Variants in SPOCK3 observed in about 807,000 individuals in gnomAD.
SPOCK3 encodes testican-3.
SPOCK3 carries 30 observed loss-of-function variants against 56.6 expected under a neutral mutation model. That is an observed-to-expected ratio of 0.53 (90% CI 0.40 to 0.72). The LOEUF (loss-of-function observed/expected upper bound fraction) is 0.72. Ranked by LOEUF, SPOCK3 falls within the 30% of genes least tolerant of loss-of-function variation. SPOCK3 has a pLI of 0.00. For synonymous variants in SPOCK3, 196 were observed against 183.3 expected, an observed-to-expected ratio of 1.07 and a Z score of -0.56; for missense variants, 527 against 530.0, an observed-to-expected ratio of 0.99 and a Z score of 0.06.
At chr4:167,052,986 T>C (rs1580132768) in intron 3 of SPOCK3, among the ~76,000 whole-genome samples, 1 of 152,140 alleles carries the variant, frequency 6.6e-6, no homozygotes, top group East Asian at 1.9e-4. Context: ...CTCTGTTCAC[T>C]GAAGGGAATA....
chr4:166,967,565 G>T (rs1163701630), intron 4 of SPOCK3, among the ~76,000 whole-genome samples: 1 of 152,082 alleles, frequency 6.6e-6, no homozygotes, highest in African/African-American at 2.4e-5. Context: ...AGACATGCTT[G>T]CCTCCCCTTC....
At chr4:166,773,893 C>T (rs1739233555) in intron 7 of SPOCK3, among the ~76,000 whole-genome samples, 1 of 152,122 alleles carries the variant, frequency 6.6e-6, no homozygotes, top group Admixed American at 6.6e-5. Flanking sequence ...AGGATATAAT[C>T]TAAAACCACT....
intron 4 of SPOCK3, among the ~76,000 whole-genome samples, chr4:166,996,489 T>G (rs1285962488): frequency 6.6e-6 from 1 of 152,170 alleles, no homozygotes. Flanking sequence ...ATATAACAAG[T>G]GGATCACATT....
chr4:167,014,756 T>G (rs1750440863), intron 3 of SPOCK3, among the ~76,000 whole-genome samples: 1 of 151,750 alleles, frequency 6.6e-6, no homozygotes, highest in Non-Finnish European at 1.5e-5. Flanking sequence ...CACACATGCA[T>G]ACACACACTC....
At chr4:167,122,307 C>A (rs1272515733) in intron 2 of SPOCK3, among the ~76,000 whole-genome samples, 8 of 152,100 alleles carry the variant, frequency 5.3e-5, no homozygotes, top group East Asian at 3.9e-4. Context: ...GCGTGAGCCA[C>A]CATGCCTGGC....
chr4:166,753,852 A>G (rs1198798099), intron 8 of SPOCK3, among the ~76,000 whole-genome samples: 2 of 151,968 alleles, frequency 1.3e-5, no homozygotes, highest in African/African-American at 2.4e-5. Flanking sequence ...TTATCATTCA[A>G]TTGATTCCAT....
At chr4:167,079,218 C>A (rs1397896142) in intron 2 of SPOCK3, among the ~76,000 whole-genome samples, 1 of 151,892 alleles carries the variant, frequency 6.6e-6, no homozygotes, top group Non-Finnish European at 1.5e-5. Flanking sequence ...CAGAACTAAA[C>A]CTTATTTCTT....
intron 3 of SPOCK3, among the ~76,000 whole-genome samples, chr4:167,025,788 A>G (rs1319257082): frequency 2.0e-5 from 3 of 152,104 alleles, no homozygotes; most frequent in Non-Finnish European, 4.4e-5. Context: ...CTGGCTTAAC[A>G]ATGGGGATTT....
chr4:167,096,537 T>G (rs2150317564), intron 2 of SPOCK3, among the ~76,000 whole-genome samples: 1 of 151,948 alleles, frequency 6.6e-6, no homozygotes, highest in South Asian at 2.1e-4. Context: ...AAGTGTGTTC[T>G]TTAGTCCCTC....
At chr4:166,860,830 TGCATAAA>T (rs1731179930) in intron 6 of SPOCK3, among the ~76,000 whole-genome samples, 1 of 146,150 alleles carries the variant, frequency 6.8e-6, no homozygotes, top group South Asian at 2.2e-4. Context: ...TATATATATA[TGCATAAA>T]ATATAACTCC....
chr4:167,145,975 G>A lies in SPOCK3; in HGVS notation c.190-83438C>T, dbSNP rs577026970. Among the ~76,000 whole-genome samples, 3 of 152,252 alleles carry A rather than the reference G, an allele frequency of 2.0e-5. No homozygotes were observed. The South Asian group carries it at 6.2e-4, about 32-fold the overall frequency. Reference sequence around the variant, plus strand: ...ACACATAACAATATTAACCTTAAATGTAAACAGGCTAAATTCTCCAATTAA... The same window carrying A: ...ACACATAACAATATTAACCTTAAATATAAACAGGCTAAATTCTCCAATTAA... On this transcript the variant is annotated intron_variant, in intron 2 of 10. Coordinates refer to ENST00000357545, the MANE Select transcript of SPOCK3 (RefSeq NM_001040159.2).
intron 2 of SPOCK3, among the ~76,000 whole-genome samples, chr4:167,181,836 T>A (rs533395871): frequency 6.6e-6 from 1 of 152,310 alleles, no homozygotes; most frequent in South Asian, 2.1e-4. Flanking sequence ...TTTTATCTGC[T>A]ATATTTTTCT....
chr4:167,220,991 T>C, intron 2 of SPOCK3, among the ~76,000 whole-genome samples: 1 of 152,086 alleles, frequency 6.6e-6, no homozygotes. Context: ...CAAACCTTAA[T>C]CAATTCCTTG....
intron 2 of SPOCK3, among the ~76,000 whole-genome samples, chr4:167,164,306 GATTAT>G (rs1380955780): frequency 6.6e-6 from 1 of 151,932 alleles, no homozygotes; most frequent in Admixed American, 6.6e-5. Flanking sequence ...TGATTAATGT[GATTAT>G]ATTACTCTGA....
chr4:166,990,421 TA>T (rs1312554915), intron 4 of SPOCK3, among the ~76,000 whole-genome samples: 1 of 151,950 alleles, frequency 6.6e-6, no homozygotes, highest in African/African-American at 2.4e-5. Context: ...TTCTTACAAA[TA>T]TTTTTTTAAA....
At chr4:167,127,251 C>T (rs983441881) in intron 2 of SPOCK3, among the ~76,000 whole-genome samples, 1 of 151,978 alleles carries the variant, frequency 6.6e-6, no homozygotes, top group Admixed American at 6.6e-5. Flanking sequence ...TTTGCTTTGA[C>T]AAATACAGGA....
chr4:166,842,990 C>T (rs563963806), intron 6 of SPOCK3, among the ~76,000 whole-genome samples: 103 of 152,320 alleles, frequency 6.8e-4, no homozygotes, highest in African/African-American at 1.9e-3. Flanking sequence ...AGCTGAGGCC[C>T]GGCGAGAATT....
intron 7 of SPOCK3, among the ~76,000 whole-genome samples, chr4:166,763,572 C>A (rs1329394672): frequency 6.6e-6 from 1 of 151,946 alleles, no homozygotes; most frequent in Non-Finnish European, 1.5e-5. Context: ...TTGTTTAGAG[C>A]AAAAACCATA....
chr4:166,779,979 T>C (rs191986920), intron 7 of SPOCK3, among the ~76,000 whole-genome samples: 44 of 152,258 alleles, frequency 2.9e-4, no homozygotes, highest in Non-Finnish European at 5.3e-4. Flanking sequence ...AATTGAAAAC[T>C]TTCAACCCAA....
Sources: gnomAD v4.1 joint callset for allele counts (sites outside exome capture counted in the v4.1 genomes callset) on GRCh38, gnomAD v4.1.1 for gene constraint, MANE v1.5 for transcripts, NCBI Gene and HGNC (gene_info 2026-07-23, HGNC 2026-07-21) for gene names.